LRRC7: variants seen among roughly 807,000 people sequenced by gnomAD.
LRRC7 encodes the protein leucine-rich repeat-containing protein 7.
In LRRC7, 23 loss-of-function variants were observed where a neutral mutation model predicts 175.7. The ratio of observed to expected loss-of-function variants is 0.13; its 90% CI spans 0.09 to 0.19. The LOEUF (loss-of-function observed/expected upper bound fraction) is 0.19, where lower values mean the gene tolerates loss of function less well. Among genes scored for constraint, LRRC7 ranks in the 10% least tolerant of loss-of-function variants. The pLI, the probability that LRRC7 is intolerant of heterozygous loss-of-function variation, is 1.00. For missense variants in LRRC7, 1,354 were observed against 1,904.7 expected (o/e 0.71, Z 5.38); for synonymous variants, 685 against 680.9 (o/e 1.01, Z -0.09).
chr1:69,616,850 A>G (rs1479639016), intron 1 of LRRC7, among the ~76,000 whole-genome samples: 1 of 152,110 alleles, frequency 6.6e-6, no homozygotes, highest in Non-Finnish European at 1.5e-5. Flanking sequence ...GAATTGTCCT[A>G]TAATAAATCA....
chr1:69,643,742 A>C (rs1393344214), intron 1 of LRRC7, among the ~76,000 whole-genome samples: 1 of 152,102 alleles, frequency 6.6e-6, no homozygotes, highest in Non-Finnish European at 1.5e-5. Context: ...TAGGAAGTTG[A>C]CAGAAATTCC....
chr1:69,689,197 A>G (rs937198269), intron 2 of LRRC7, among the ~76,000 whole-genome samples: 1 of 152,300 alleles, frequency 6.6e-6, no homozygotes, highest in South Asian at 2.1e-4. Context: ...TCTCTCACAC[A>G]CTATGGTCAG....
intron 7 of LRRC7, among the ~76,000 whole-genome samples, chr1:69,885,109 A>G (rs1357763107): frequency 1.0e-5 from 1 of 95,708 alleles, no homozygotes; most frequent in Non-Finnish European, 2.2e-5. Context: ...CGGCTTTGGT[A>G]TCAGAATGAT....
At chr1:69,603,701 G>C (rs1647173435) in intron 1 of LRRC7, among the ~76,000 whole-genome samples, 1 of 152,016 alleles carries the variant, frequency 6.6e-6, no homozygotes, top group African/African-American at 2.4e-5. Context: ...AGGTCCTAGA[G>C]GCTAGATATT....
intron 24 of LRRC7, among the ~76,000 whole-genome samples, chr1:70,080,536 T>C (rs574633354): frequency 1.3e-5 from 2 of 152,316 alleles, no homozygotes; most frequent in African/African-American, 4.8e-5. Flanking sequence ...TTAATGCACT[T>C]ATTTTCACGT....
rs1024318067 is a variant in LRRC7, at chr1:70,127,383, G to A, written c.*5496G>A. On this transcript the variant is annotated 3_prime_UTR_variant, in exon 27 of 27. Transcript: ENST00000651989. ...AGAATTCAGAGATTTTTGAAAAACCGAGGGGGCAAGTCTACTCTAAGTTTT... is the reference window on the plus strand; with the variant it reads ...AGAATTCAGAGATTTTTGAAAAACCAAGGGGGCAAGTCTACTCTAAGTTTT... Among the ~76,000 whole-genome samples the A allele has an allele frequency of 4.6e-5, 7 of 152,118 alleles. No individual in the cohort carries two copies. Among genetic ancestry groups the A allele is most frequent in the Admixed American group, 2.6e-4 (4 of 15,266 alleles).
chr1:69,934,494 CGGG>C (rs573858643), intron 8 of LRRC7, among the ~76,000 whole-genome samples: 7 of 46,562 alleles, frequency 1.5e-4, no homozygotes, highest in East Asian at 1.5e-3. Flanking sequence ...GATATTTTGG[CGGG>C]GGGGGGGCGG....
At chr1:69,776,817 G>T (rs1367706518) in intron 3 of LRRC7, among the ~76,000 whole-genome samples, 1 of 151,780 alleles carries the variant, frequency 6.6e-6, no homozygotes, top group Non-Finnish European at 1.5e-5. Context: ...TTTCATTTTG[G>T]TGTGGATCTG....
intron 24 of LRRC7, among the ~76,000 whole-genome samples, chr1:70,088,244 ATACT>A (rs1244306149): frequency 6.6e-6 from 1 of 152,148 alleles, no homozygotes; most frequent in Non-Finnish European, 1.5e-5. Context: ...GGTTCACCTA[ATACT>A]TACTCTGTAC....
chr1:70,073,723 A>G (rs1662562458), intron 23 of LRRC7, among the ~76,000 whole-genome samples: 1 of 152,240 alleles, frequency 6.6e-6, no homozygotes, highest in African/African-American at 2.4e-5. Flanking sequence ...CCGCTGGTTC[A>G]AGCACTGGCT....
chr1:69,710,278 C>CAAAAAAAAA (rs77553066), intron 2 of LRRC7, among the ~76,000 whole-genome samples: 5 of 87,046 alleles, frequency 5.7e-5, no homozygotes, highest in Non-Finnish European at 8.6e-5. Context: ...GACTCCGTCT[C>CAAAAAAAAA]AAAAAAAAAA....
intron 1 of LRRC7, among the ~76,000 whole-genome samples, chr1:69,584,652 A>G (rs1646335139): frequency 6.6e-6 from 1 of 152,150 alleles, no homozygotes; most frequent in African/African-American, 2.4e-5. Context: ...AATACTTTAG[A>G]TATACAAATT....
At chr1:69,650,649 T>A in intron 1 of LRRC7, among the ~76,000 whole-genome samples, 1 of 152,094 alleles carries the variant, frequency 6.6e-6, no homozygotes, top group Non-Finnish European at 1.5e-5. Context: ...ATCTGTGAAG[T>A]CTTTGTCTGT....
rs1337308865 is a variant in LRRC7 at position 70,141,649 on chromosome 1, C to T, written c.*19762C>T. On this transcript the variant is annotated 3_prime_UTR_variant, in exon 27 of 27. Transcript: ENST00000651989. ...GAAAATTATCAAATGTAAATGATCC[C>T]TTTTTTGCTGGATCTTATAAAATAT... The T allele has an allele frequency of 2.0e-5, 3 of 151,958 alleles. No individual in the cohort carries two copies. The highest frequency in any genetic ancestry group is 1.9e-4 in the East Asian group (1 of 5,198). 9.4% of individuals were successfully genotyped at this position (151,958 alleles called of 1,614,324 possible). A position where few individuals can be genotyped will look rare whatever the true frequency, so the allele number is the denominator to read the frequency against.
At chr1:70,062,775 G>T (rs1032781517) in intron 23 of LRRC7, among the ~76,000 whole-genome samples, 2 of 151,984 alleles carry the variant, frequency 1.3e-5, no homozygotes, top group African/African-American at 4.8e-5. Context: ...AATCTGAAGA[G>T]CTAGGATAAT....
At chr1:69,862,702 C>A (rs1235900553) in intron 7 of LRRC7, among the ~76,000 whole-genome samples, 1 of 152,168 alleles carries the variant, frequency 6.6e-6, no homozygotes, top group East Asian at 1.9e-4. Flanking sequence ...TTGTTCATAT[C>A]TTTTTTTATT....
chr1:69,813,600 A>G (rs1177985511), intron 4 of LRRC7, among the ~76,000 whole-genome samples: 1 of 152,168 alleles, frequency 6.6e-6, no homozygotes, highest in Non-Finnish European at 1.5e-5. Flanking sequence ...TCCATTTTTT[A>G]AATTAAATAT....
At chr1:69,846,256 A>G (rs946015565) in intron 7 of LRRC7, among the ~76,000 whole-genome samples, 2 of 152,138 alleles carry the variant, frequency 1.3e-5, no homozygotes, top group Non-Finnish European at 2.9e-5. Flanking sequence ...AACGAATTGT[A>G]TTTATTTTTA....
At chr1:69,969,092 A>G (rs1570848186) in intron 8 of LRRC7, among the ~76,000 whole-genome samples, 1 of 152,144 alleles carries the variant, frequency 6.6e-6, no homozygotes, top group African/African-American at 2.4e-5. Context: ...TGCTGGGATT[A>G]CAGATGTGAG....
Sources: allele counts gnomAD v4.1 joint callset (sites outside exome capture counted in the v4.1 genomes callset), GRCh38; gene constraint gnomAD v4.1.1; transcripts MANE v1.5; gene names NCBI Gene and HGNC (gene_info 2026-07-23, HGNC 2026-07-21).